SLC25A21: variants seen among roughly 807,000 people sequenced by gnomAD.
The protein encoded by SLC25A21 is mitochondrial 2-oxodicarboxylate carrier.
A neutral mutation model predicts 43.8 loss-of-function variants in SLC25A21; 47 were observed. The ratio of observed to expected loss-of-function variants is 1.07; its 90% CI spans 0.85 to 1.37. SLC25A21 has a LOEUF of 1.37. SLC25A21 is among the 40% of genes most tolerant of loss of function. The pLI is 0.00. For synonymous variants in SLC25A21, 131 were observed against 121.3 expected (o/e 1.08, Z -0.52); for missense variants, 352 against 350.2 (o/e 1.00, Z -0.04).
chr14:36,823,664 T>C (rs1170078133), intron 2 of SLC25A21, among the ~76,000 whole-genome samples: 1 of 152,156 alleles, frequency 6.6e-6, no homozygotes, highest in Non-Finnish European at 1.5e-5. Flanking sequence ...ACCTCAGCAA[T>C]CAACTATTAA....
intron 1 of SLC25A21, among the ~76,000 whole-genome samples, chr14:37,167,350 G>T (rs1307558577): frequency 6.6e-6 from 1 of 152,116 alleles, no homozygotes; most frequent in Non-Finnish European, 1.5e-5. Context: ...CAAAAACGCA[G>T]ATTCCGATAT....
chr14:36,959,293 T>C (rs957931031), intron 1 of SLC25A21, among the ~76,000 whole-genome samples: 15 of 152,106 alleles, frequency 9.9e-5, no homozygotes, highest in African/African-American at 3.1e-4. Flanking sequence ...GACTGTTAGA[T>C]CCCCATTAAT....
At chr14:36,930,976 T>C (rs1892270487) in intron 1 of SLC25A21, among the ~76,000 whole-genome samples, 1 of 152,126 alleles carries the variant, frequency 6.6e-6, no homozygotes, top group Non-Finnish European at 1.5e-5. Context: ...GCTTCAAAAT[T>C]CAGCTTAGAA....
intron 1 of SLC25A21, among the ~76,000 whole-genome samples, chr14:36,917,299 A>G (rs1395351514): frequency 6.6e-6 from 1 of 152,064 alleles, no homozygotes; most frequent in Non-Finnish European, 1.5e-5. Flanking sequence ...CATGACTTCC[A>G]GCCTAGAAAA....
intron 1 of SLC25A21, among the ~76,000 whole-genome samples, chr14:37,146,365 C>T (rs1231120756): frequency 6.6e-6 from 1 of 152,030 alleles, no homozygotes; most frequent in Non-Finnish European, 1.5e-5. Flanking sequence ...CCCACATCAA[C>T]CCCCCTAAGT....
rs1172528856 is a variant in SLC25A21, at chr14:36,734,556, T to C, written c.221A>G (p.Lys74Arg). 3.7e-6 allele frequency: 6 copies of C among 1,606,440 alleles called. No individual in the cohort carries two copies. Among genetic ancestry groups the C allele is most frequent in the Middle Eastern group, 1.7e-4 (1 of 6,016 alleles). ...FQMEGLFGFY[K>R]GILPPILAET... ...AGCCAAGATAGGTGGCAGAATTCCCTTGTAAAAACCAAATAACCTGTTGGA... is the reference window on the plus strand; with the variant it reads ...AGCCAAGATAGGTGGCAGAATTCCCCTGTAAAAACCAAATAACCTGTTGGA... Residue 74 changes from lysine (K) to arginine (R), a missense_variant, in exon 4 of 10, where the codon AAG (lysine) becomes AGG (arginine). By Grantham distance (26) the Lys-to-Arg change is conservative. Transcript: ENST00000331299.
At chr14:37,049,026 C>T (rs1210703244) in intron 1 of SLC25A21, among the ~76,000 whole-genome samples, 1 of 152,076 alleles carries the variant, frequency 6.6e-6, no homozygotes, top group Non-Finnish European at 1.5e-5. Context: ...CTGCTCCCAC[C>T]CAAAACCTTG....
intron 3 of SLC25A21, among the ~76,000 whole-genome samples, chr14:36,770,855 A>G (rs980997656): frequency 1.3e-5 from 2 of 152,138 alleles, no homozygotes; most frequent in African/African-American, 4.8e-5. Context: ...GCCATATTCT[A>G]TTACTCTTGT....
intron 1 of SLC25A21, among the ~76,000 whole-genome samples, chr14:37,096,350 C>T (rs1377957303): frequency 6.6e-6 from 1 of 152,064 alleles, no homozygotes; most frequent in Non-Finnish European, 1.5e-5. Context: ...TAGTCTTATT[C>T]GGGTTGAATC....
intron 3 of SLC25A21, among the ~76,000 whole-genome samples, chr14:36,753,611 T>C (rs1024368058): frequency 1.3e-5 from 2 of 152,230 alleles, no homozygotes; most frequent in African/African-American, 2.4e-5. Context: ...TCTAGATTCA[T>C]TCCTCTCCCT....
intron 1 of SLC25A21, among the ~76,000 whole-genome samples, chr14:36,944,114 C>T (rs769739439): frequency 7.2e-5 from 11 of 152,146 alleles, no homozygotes; most frequent in East Asian, 5.8e-4. Flanking sequence ...GCCATGCTCC[C>T]GTGTTGGCCT....
chr14:36,954,869 G>A (rs1959291736), intron 1 of SLC25A21, among the ~76,000 whole-genome samples: 1 of 151,944 alleles, frequency 6.6e-6, no homozygotes, highest in African/African-American at 2.4e-5. Flanking sequence ...CAAATTCTAG[G>A]CATCCTTTAA....
At chr14:37,131,279 T>A (rs1963387246) in intron 1 of SLC25A21, among the ~76,000 whole-genome samples, 1 of 152,234 alleles carries the variant, frequency 6.6e-6, no homozygotes, top group Non-Finnish European at 1.5e-5. Flanking sequence ...TTGTTCAATG[T>A]TAACACTAAG....
At chr14:37,128,713 G>A (rs1418503156) in intron 1 of SLC25A21, among the ~76,000 whole-genome samples, 2 of 152,002 alleles carry the variant, frequency 1.3e-5, no homozygotes, top group African/African-American at 4.8e-5. Flanking sequence ...TCAGTCTCCA[G>A]GTAGCTGGGA....
At chr14:36,997,985 C>T (rs1163143286) in intron 1 of SLC25A21, among the ~76,000 whole-genome samples, 1 of 152,008 alleles carries the variant, frequency 6.6e-6, no homozygotes, top group Non-Finnish European at 1.5e-5. Flanking sequence ...ACTTCTTTGC[C>T]CAAGGTTACA....
chr14:36,969,836 A>T (rs1049501568), intron 1 of SLC25A21, among the ~76,000 whole-genome samples: 1 of 151,922 alleles, frequency 6.6e-6, no homozygotes, highest in Non-Finnish European at 1.5e-5. Context: ...CAAGCAGGGG[A>T]TCGAGGCAGA....
intron 1 of SLC25A21, among the ~76,000 whole-genome samples, chr14:36,961,131 C>T (rs955389005): frequency 6.6e-6 from 1 of 152,090 alleles, no homozygotes; most frequent in African/African-American, 2.4e-5. Flanking sequence ...AAAAGCCCAC[C>T]CCCAGAGCAT....
intron 1 of SLC25A21, among the ~76,000 whole-genome samples, chr14:37,084,863 G>A (rs867049064): frequency 2.6e-5 from 4 of 152,200 alleles, no homozygotes; most frequent in Non-Finnish European, 5.9e-5. Flanking sequence ...GGATAGAATT[G>A]AGAGTCCAGA....
intron 1 of SLC25A21, among the ~76,000 whole-genome samples, chr14:36,967,771 C>A (rs938329353): frequency 5.9e-5 from 9 of 152,180 alleles, no homozygotes; most frequent in African/African-American, 2.2e-4. Flanking sequence ...ACACTCCCTG[C>A]CTGTGTGGAG....
Sources: allele counts gnomAD v4.1 joint callset (sites outside exome capture counted in the v4.1 genomes callset), GRCh38; gene constraint gnomAD v4.1.1; transcripts MANE v1.5; gene names NCBI Gene and HGNC (gene_info 2026-07-23, HGNC 2026-07-21).